PRSS41: variants seen among roughly 807,000 people sequenced by gnomAD.
The protein encoded by PRSS41 is serine protease 41.
Under a neutral mutation model 28.8 loss-of-function variants are expected in PRSS41, and 37 were observed. The ratio of observed to expected loss-of-function variants is 1.29; its 90% CI spans 0.99 to 1.69. The LOEUF is 1.69. PRSS41 is among the 40% of genes most tolerant of loss of function. The probability of loss-of-function intolerance (pLI) is 0.00; values close to 1 mark genes in which losing one functional copy is unlikely to be tolerated. For missense variants in PRSS41, 431 were observed against 400.7 expected (o/e 1.08, Z -0.65); for synonymous variants, 195 against 163.1 (o/e 1.20, Z -1.49).
intron 4 of PRSS41, among the ~76,000 whole-genome samples, chr16:2,801,830 T>A (rs1304792853): frequency 6.6e-6 from 1 of 152,140 alleles, no homozygotes; most frequent in African/African-American, 2.4e-5. Context: ...ATTGTCATCA[T>A]GGCCTGTTCT....
chr16:2,800,580 C>T (rs2068979668), intron 4 of PRSS41, among the ~76,000 whole-genome samples: 1 of 151,444 alleles, frequency 6.6e-6, no homozygotes, highest in Non-Finnish European at 1.5e-5. Context: ...AAACAGTATA[C>T]CTGTGCCCTA....
rs1167533656 is a variant in PRSS41 at position 2,798,934 on chromosome 16, A to G, written c.92-25A>G. The G allele has an allele frequency of 3.1e-6, 4 of 1,311,226 alleles. No individual in the cohort carries two copies. In the Admixed American group the frequency reaches 8.9e-5, roughly 29 times the overall value. 81.2% of individuals were successfully genotyped at this position (1,311,226 alleles called of 1,614,324 possible). On this transcript the variant is annotated intron_variant, in intron 2 of 5. Coordinates refer to ENST00000399677, the Ensembl canonical transcript of PRSS41. ...CCCACCCCACCCCACCCGGCAGCTC[A>G]GCCGCGTCCGTCTGTCCATCCCAGA...
At chr16:2,801,912 G>A (rs1185946182) in intron 4 of PRSS41, among the ~76,000 whole-genome samples, 1 of 151,362 alleles carries the variant, frequency 6.6e-6, no homozygotes, top group East Asian at 2.0e-4. Flanking sequence ...TCCCAGTAGG[G>A]GCGGCCGGGC....
chr16:2,798,910 C>A, intron 2 of PRSS41, 49 bp from the exon 3 acceptor site: 10 of 1,090,288 alleles, frequency 9.2e-6, no homozygotes, highest in South Asian at 1.4e-5. Context: ...GCGGGCCTGC[C>A]CACCCCACCC....
intron 3 of PRSS41, 50 bp from the exon 4 acceptor site, chr16:2,799,236 C>T: frequency 6.5e-7 from 1 of 1,535,436 alleles, no homozygotes; most frequent in Non-Finnish European, 8.8e-7. Context: ...CGTGCTCAGG[C>T]GGCCAGCCCC....
intron 4 of PRSS41, among the ~76,000 whole-genome samples, chr16:2,804,093 C>T (rs2069005290): frequency 6.6e-6 from 1 of 152,154 alleles, no homozygotes; most frequent in African/African-American, 2.4e-5. Flanking sequence ...TCCTGCCATG[C>T]TTTGGTTGAG....
chr16:2,798,577 G>C (rs775194339), intron 1 of PRSS41, 29 bp downstream of exon 1: 4 of 1,523,690 alleles, frequency 2.6e-6, no homozygotes, highest in African/African-American at 1.4e-5. Flanking sequence ...AGGCGGGACC[G>C]GGGGCAGCGA....
chr16:2,799,371 C>T (rs201777593), exon 4 of PRSS41: 36 of 1,551,916 alleles, frequency 2.3e-5, no homozygotes, highest in Non-Finnish European at 3.1e-5. Context: ...CTACAGCAGT[C>T]GTTACAAAGT....
intron 4 of PRSS41, 77 bp downstream of exon 4, chr16:2,799,646 C>T (rs1264053567): frequency 7.0e-7 from 1 of 1,426,820 alleles, no homozygotes; most frequent in African/African-American, 1.4e-5. Flanking sequence ...TCCCGCTACA[C>T]AAGCACAGCA....
At chr16:2,805,153 G>A in exon 6 of PRSS41, 5 of 1,533,362 alleles carry the variant, frequency 3.3e-6, no homozygotes, top group Non-Finnish European at 4.4e-6. Flanking sequence ...CATTCTGAGT[G>A]CACCAGAAAC....
chr16:2,802,479 T>G (rs547204096), intron 4 of PRSS41, among the ~76,000 whole-genome samples: 2 of 151,720 alleles, frequency 1.3e-5, no homozygotes, highest in South Asian at 4.2e-4. Context: ...CCAGACGGGA[T>G]GGCGGCCGGG....
At chr16:2,801,943 G>T (rs1027382212) in intron 4 of PRSS41, among the ~76,000 whole-genome samples, 3 of 133,956 alleles carry the variant, frequency 2.2e-5, no homozygotes, top group Non-Finnish European at 4.8e-5. Context: ...CTCACCTCCC[G>T]GACGGGGCGG....
chr16:2,801,924 G>T (rs1375396093), intron 4 of PRSS41, among the ~76,000 whole-genome samples: 5 of 151,694 alleles, frequency 3.3e-5, no homozygotes, highest in African/African-American at 1.2e-4. Flanking sequence ...CGGCCGGGCA[G>T]AGGCGCCCCT....
chr16:2,799,922 T>TA (rs1188659743), intron 4 of PRSS41, among the ~76,000 whole-genome samples: 2 of 152,224 alleles, frequency 1.3e-5, no homozygotes, highest in African/African-American at 4.8e-5. Context: ...TCACAAACCA[T>TA]AAAATTTTCA....
chr16:2,799,683 C>A (rs555362301), intron 4 of PRSS41, 114 bp downstream of exon 4: 5 of 1,066,430 alleles, frequency 4.7e-6, no homozygotes, highest in Non-Finnish European at 5.4e-6. Flanking sequence ...GGGGCTGCAA[C>A]CTGCGCCCCT....
intron 4 of PRSS41, 142 bp downstream of exon 4, chr16:2,799,711 C>CG (rs2068974606): frequency 9.2e-6 from 8 of 866,816 alleles, no homozygotes; most frequent in Non-Finnish European, 1.4e-5. Flanking sequence ...TCATTCTCTC[C>CG]TCACTTGCTT....
intron 4 of PRSS41, among the ~76,000 whole-genome samples, chr16:2,801,193 C>G (rs777703205): frequency 1.3e-5 from 2 of 152,196 alleles, no homozygotes; most frequent in Non-Finnish European, 2.9e-5. Flanking sequence ...TGTTGTAGAA[C>G]TGTCTATTTC....
intron 4 of PRSS41, among the ~76,000 whole-genome samples, chr16:2,801,059 G>A (rs1468152728): frequency 6.6e-6 from 1 of 152,050 alleles, no homozygotes; most frequent in South Asian, 2.1e-4. Flanking sequence ...GGCTGGTCTC[G>A]AACTCCTGAC....
At chr16:2,799,250 T>G (rs1051017635) in intron 3 of PRSS41, 36 bp from the exon 4 acceptor site, 122 of 1,546,474 alleles carry the variant, frequency 7.9e-5, no homozygotes, top group Admixed American at 5.5e-4. Flanking sequence ...CAGCCCCCTA[T>G]TCCAAGGCTC....
Sources: allele counts gnomAD v4.1 joint callset (sites outside exome capture counted in the v4.1 genomes callset), GRCh38; gene constraint gnomAD v4.1.1; transcripts MANE v1.5; gene names NCBI Gene and HGNC (gene_info 2026-07-23, HGNC 2026-07-21).